The following DTNA variants were observed in gnomAD, a reference collection of about 807,000 sequenced individuals.
DTNA encodes the protein dystrobrevin alpha, also known as dystrophin-related protein 3.
DTNA carries 43 observed loss-of-function variants against 100.7 expected under a neutral mutation model. The ratio of observed to expected loss-of-function variants is 0.43; its 90% confidence interval spans 0.33 to 0.55. The LOEUF is 0.55. Ranked by LOEUF, DTNA falls within the 20% of genes least tolerant of loss-of-function variation. The pLI, the probability that DTNA is intolerant of heterozygous loss-of-function variation, is 0.04. For missense variants in DTNA, 798 were observed against 953.9 expected, an observed-to-expected ratio of 0.84 and a Z score of 2.15; for synonymous variants, 349 against 347.9, an observed-to-expected ratio of 1.00 and a Z score of -0.04.
chr18:34,526,227 A>G (rs996399179), intron 1 of DTNA, among the ~76,000 whole-genome samples: 2 of 152,186 alleles, frequency 1.3e-5, no homozygotes, highest in African/African-American at 4.8e-5. Flanking sequence ...GGGAGACTTA[A>G]AGAGGAATCG....
chr18:34,751,351 C>G (rs144801301), intron 1 of DTNA, among the ~76,000 whole-genome samples: 339 of 152,320 alleles, frequency 2.2e-3, no homozygotes, highest in African/African-American at 8.0e-3. Flanking sequence ...GCCTACCCTC[C>G]TACCTACCCA....
chr18:34,804,808 T>C (rs1161719623), intron 4 of DTNA, among the ~76,000 whole-genome samples: 1 of 152,150 alleles, frequency 6.6e-6, no homozygotes, highest in African/African-American at 2.4e-5. Context: ...GAAATAAATA[T>C]GAAAGAGTCA....
chr18:34,627,309 G>A (rs2057456477), intron 1 of DTNA, among the ~76,000 whole-genome samples: 1 of 152,038 alleles, frequency 6.6e-6, no homozygotes. Flanking sequence ...GTGACAGCTG[G>A]GGAACCAACG....
rs1361185124 is a variant in DTNA at position 34,506,636 on chromosome 18, T to C, written c.-2+13122T>C. 2.0e-5 allele frequency among the ~76,000 whole-genome samples: 3 copies of C among 152,298 alleles called. No individual in the cohort carries two copies. In the East Asian group the frequency reaches 5.8e-4, roughly 29 times the overall value. On this transcript the variant is annotated intron_variant, in intron 1 of 19. Transcript: ENST00000283365. ...TAGGCCAGAGAGAGTATGGTTTTGT[T>C]GGCACCCTTTTAAAAGTTGTGCCTG...
chr18:34,667,191 A>T (rs1377083852), intron 1 of DTNA, among the ~76,000 whole-genome samples: 1 of 152,182 alleles, frequency 6.6e-6, no homozygotes, highest in Admixed American at 6.5e-5. Context: ...AGCAATTGTG[A>T]ATGGGAGTTC....
At chr18:34,654,317 A>T (rs2074041130) in intron 1 of DTNA, among the ~76,000 whole-genome samples, 1 of 152,230 alleles carries the variant, frequency 6.6e-6, no homozygotes, top group Non-Finnish European at 1.5e-5. Flanking sequence ...CTTAGTTAAT[A>T]ATCCTCGAGC....
At chr18:34,685,929 GCT>G (rs1874944836) in intron 1 of DTNA, among the ~76,000 whole-genome samples, 1 of 152,034 alleles carries the variant, frequency 6.6e-6, no homozygotes, top group African/African-American at 2.4e-5. Context: ...TCATGATTTG[GCT>G]CTCTGTTTGT....
chr18:34,593,730 A>C (rs1305251303), intron 1 of DTNA, among the ~76,000 whole-genome samples: 2 of 152,218 alleles, frequency 1.3e-5, no homozygotes, highest in Non-Finnish European at 2.9e-5. Flanking sequence ...TGAAATTTAC[A>C]TTGCAAGTCT....
At chr18:34,566,818 G>A (rs558442870) in intron 1 of DTNA, among the ~76,000 whole-genome samples, 1 of 152,338 alleles carries the variant, frequency 6.6e-6, no homozygotes, top group Non-Finnish European at 1.5e-5. Context: ...TCAGTAGTGT[G>A]AAAGATCTTG....
intron 1 of DTNA, among the ~76,000 whole-genome samples, chr18:34,731,208 G>C (rs1191196761): frequency 6.6e-6 from 1 of 152,132 alleles, no homozygotes; most frequent in Non-Finnish European, 1.5e-5. Context: ...GGCCGGGCGC[G>C]GTGGCTCACG....
chr18:34,785,028 C>G (rs752474742), intron 3 of DTNA, among the ~76,000 whole-genome samples: 7 of 151,528 alleles, frequency 4.6e-5, no homozygotes, highest in Non-Finnish European at 7.4e-5. Context: ...CATTCTCCTG[C>G]CTCAGCCTCC....
intron 4 of DTNA, among the ~76,000 whole-genome samples, chr18:34,803,318 C>G (rs1050588030): frequency 6.6e-6 from 1 of 151,802 alleles, no homozygotes; most frequent in Non-Finnish European, 1.5e-5. Flanking sequence ...GGCAGAACAG[C>G]TCTGATATAA....
At chr18:34,566,903 T>C (rs2047137240) in intron 1 of DTNA, among the ~76,000 whole-genome samples, 1 of 152,216 alleles carries the variant, frequency 6.6e-6, no homozygotes, top group South Asian at 2.1e-4. Context: ...CATCATCACC[T>C]TTTTTCTCTG....
chr18:34,518,619 T>A (rs995198581), intron 1 of DTNA, among the ~76,000 whole-genome samples: 1 of 151,930 alleles, frequency 6.6e-6, no homozygotes, highest in Admixed American at 6.6e-5. Context: ...AGGTTGAGGC[T>A]TATTGTTTTG....
intron 1 of DTNA, among the ~76,000 whole-genome samples, chr18:34,602,662 G>C (rs577654909): frequency 6.6e-6 from 1 of 151,876 alleles, no homozygotes; most frequent in South Asian, 2.1e-4. Context: ...AGGAGTTCAA[G>C]ACCAGCCTGG....
At chr18:34,715,551 T>C (rs1008149747) in intron 1 of DTNA, among the ~76,000 whole-genome samples, 2 of 152,080 alleles carry the variant, frequency 1.3e-5, no homozygotes, top group Non-Finnish European at 2.9e-5. Context: ...TGGTGGAACA[T>C]TTACTCAGAA....
chr18:34,783,232 G>A (rs867033488), intron 3 of DTNA, among the ~76,000 whole-genome samples: 1 of 152,112 alleles, frequency 6.6e-6, no homozygotes, highest in South Asian at 2.1e-4. Flanking sequence ...TTTATAGTGT[G>A]ACAGCTACTG....
intron 2 of DTNA, among the ~76,000 whole-genome samples, chr18:34,760,807 A>T (rs1362428482): frequency 6.6e-6 from 1 of 152,230 alleles, no homozygotes; most frequent in African/African-American, 2.4e-5. Context: ...ATCTTGGCCC[A>T]GTCACGCACA....
intron 4 of DTNA, among the ~76,000 whole-genome samples, chr18:34,798,124 C>T (rs1246685421): frequency 1.3e-5 from 2 of 152,030 alleles, no homozygotes; most frequent in Non-Finnish European, 2.9e-5. Flanking sequence ...CTCAGCCTCC[C>T]GAGTAGCTGG....
Sources: gnomAD v4.1 joint callset for allele counts (sites outside exome capture counted in the v4.1 genomes callset) on GRCh38, gnomAD v4.1.1 for gene constraint, MANE v1.5 for transcripts, NCBI Gene and HGNC (gene_info 2026-07-23, HGNC 2026-07-21) for gene names.